Variants in RIMKLB observed in about 807,000 individuals in gnomAD.
RIMKLB encodes the protein ribosomal modification protein rimK like family member B.
RIMKLB carries 7 observed loss-of-function variants against 32.0 expected under a neutral mutation model. That is an observed-to-expected ratio of 0.22 (90% CI 0.12 to 0.41). The LOEUF is 0.41. Among genes scored for constraint, RIMKLB ranks in the 10% least tolerant of loss-of-function variants. The pLI is 1.00. For missense variants in RIMKLB, 289 were observed against 498.7 expected, an observed-to-expected ratio of 0.58 and a Z score of 4.00; for synonymous variants, 172 against 185.1, an observed-to-expected ratio of 0.93 and a Z score of 0.57.
At chr12:8,703,790 T>G (rs775896647) in intron 1 of RIMKLB, among the ~76,000 whole-genome samples, 106 of 152,310 alleles carry the variant, frequency 7.0e-4, no homozygotes, top group African/African-American at 2.5e-3. Context: ...CACTGCCAAA[T>G]GAAGACCATA....
chr12:8,693,295 T>C (rs1393215146), upstream of RIMKLB, among the ~76,000 whole-genome samples: 1 of 152,220 alleles, frequency 6.6e-6, no homozygotes, highest in African/African-American at 2.4e-5. Flanking sequence ...TTTGTTTTCA[T>C]TAAACCCTCA....
Position 8,775,413 on chromosome 12 carries a change from T to A in RIMKLB, c.*1629T>A, listed in dbSNP as rs1165406854. 7 of 985,436 alleles carry A rather than the reference T, an allele frequency of 7.1e-6. No individual in the cohort carries two copies. Among genetic ancestry groups the A allele is most frequent in the Non-Finnish European group, 7.2e-6 (6 of 829,904 alleles). 61.0% of individuals were successfully genotyped at this position (985,436 alleles called of 1,614,324 possible). ...TAATCCCATTGATGGGTTTGGATGG[T>A]ATGTTAAGAAATGGAGATGCTGCAG... On this transcript the variant is annotated 3_prime_UTR_variant, in exon 6 of 6. Transcript: ENST00000535829.
chr12:8,669,588 C>A, the RIMKLB span, among the ~76,000 whole-genome samples: 1 of 151,636 alleles, frequency 6.6e-6, no homozygotes, highest in Non-Finnish European at 1.5e-5. Context: ...AAAGTAAGTA[C>A]AGTATGATTA....
rs1249542622 is a variant in RIMKLB at position 8,698,286 on chromosome 12, C to A, written c.-68C>A. On this transcript the variant is annotated 5_prime_UTR_variant, in exon 1 of 6. Coordinates refer to ENST00000535829, the MANE Select transcript of RIMKLB (RefSeq NM_001297776.2). ...AGTCGGCCGAGAGCGAGGGAGGAGC[C>A]CCCCGACCCAGGTGAGCGGTACGAC... The A allele has an allele frequency of 3.7e-5, 13 of 352,238 alleles. No individual in the cohort carries two copies. The highest frequency in any genetic ancestry group is 2.9e-5 in the Non-Finnish European group (5 of 172,188). The allele number at this position is 352,238 out of a possible 1,614,324, so 21.8% of individuals were successfully genotyped here.
At chr12:8,773,224 A>G (rs1950542207) in intron 5 of RIMKLB, 97 bp from the exon 6 acceptor site, 4 of 821,014 alleles carry the variant, frequency 4.9e-6, no homozygotes, top group Admixed American at 4.6e-5. Flanking sequence ...TGTTTTCACT[A>G]TTAATTTAGA....
At chr12:8,696,354 C>CAA (rs1942889172), upstream of RIMKLB, among the ~76,000 whole-genome samples, 1 of 152,096 alleles carries the variant, frequency 6.6e-6, no homozygotes, top group Non-Finnish European at 1.5e-5. Flanking sequence ...TAGACCTTAT[C>CAA]CCCTTTGTTC....
intron 2 of RIMKLB, among the ~76,000 whole-genome samples, chr12:8,714,974 G>T (rs1324379337): frequency 6.6e-6 from 1 of 152,122 alleles, no homozygotes; most frequent in Non-Finnish European, 1.5e-5. Context: ...GCTATGCAAA[G>T]TACAATAAAA....
intron 2 of RIMKLB, among the ~76,000 whole-genome samples, chr12:8,732,636 A>G (rs1946642598): frequency 6.6e-6 from 1 of 152,174 alleles, no homozygotes; most frequent in African/African-American, 2.4e-5. Flanking sequence ...CTAAGAGTCA[A>G]AAAGTACTAA....
chr12:8,702,097 A>G (rs1235387099), intron 1 of RIMKLB, among the ~76,000 whole-genome samples: 1 of 152,086 alleles, frequency 6.6e-6, no homozygotes, highest in African/African-American at 2.4e-5. Context: ...CTCTCTTACA[A>G]TTTGATATAG....
intron 2 of RIMKLB, among the ~76,000 whole-genome samples, chr12:8,737,799 C>G (rs138453032): frequency 3.3e-5 from 5 of 152,304 alleles, no homozygotes; most frequent in African/African-American, 9.6e-5. Context: ...ACCATAAGCT[C>G]TGCCTCACAG....
rs761277025 is a variant in RIMKLB at position 8,698,219 on chromosome 12, C to T, written c.-135C>T. 9.7e-5 allele frequency: 36 copies of T among 371,420 alleles called. No homozygotes were observed. Among genetic ancestry groups the T allele is most frequent in the Non-Finnish European group, 6.0e-5 (11 of 182,622 alleles). The allele number at this position is 371,420 out of a possible 1,614,324, so 23.0% of individuals were successfully genotyped here. A position where few individuals can be genotyped will look rare whatever the true frequency, so the allele number is the denominator to read the frequency against. ...CTCCTCTCCTTCCCCCACTTCCAGC[C>T]GCCCGGCGGCCCGCGCTTCCTCGAA... On this transcript the variant is annotated 5_prime_UTR_variant, in exon 1 of 6. Coordinates refer to ENST00000535829, the MANE Select transcript of RIMKLB (RefSeq NM_001297776.2).
At chr12:8,745,097 T>G (rs1947953734) in intron 2 of RIMKLB, among the ~76,000 whole-genome samples, 1 of 151,834 alleles carries the variant, frequency 6.6e-6, no homozygotes, top group African/African-American at 2.4e-5. Flanking sequence ...ATGCAGTGTT[T>G]GGTTTTCTGT....
chr12:8,772,407 GATT>G (rs1163170694), intron 5 of RIMKLB, among the ~76,000 whole-genome samples: 1 of 152,140 alleles, frequency 6.6e-6, no homozygotes, highest in Non-Finnish European at 1.5e-5. Flanking sequence ...GTCATAGATG[GATT>G]ATTATTGTTT....
chr12:8,735,059 A>T (rs1286639175), intron 2 of RIMKLB, among the ~76,000 whole-genome samples: 2 of 152,166 alleles, frequency 1.3e-5, no homozygotes, highest in Non-Finnish European at 2.9e-5. Context: ...CTTAAATTTC[A>T]TCTAATAGGC....
chr12:8,720,324 A>G (rs1945309870), intron 2 of RIMKLB, among the ~76,000 whole-genome samples: 1 of 152,222 alleles, frequency 6.6e-6, no homozygotes, highest in African/African-American at 2.4e-5. Context: ...TAAAAGGTAC[A>G]AAGTTGGATT....
intron 1 of RIMKLB, among the ~76,000 whole-genome samples, chr12:8,707,244 A>G (rs990444982): frequency 6.6e-6 from 1 of 151,982 alleles, no homozygotes; most frequent in African/African-American, 2.4e-5. Flanking sequence ...CATGCCCCCC[A>G]CCAGTACAGG....
At chr12:8,727,760 A>G (rs1468089507) in intron 2 of RIMKLB, among the ~76,000 whole-genome samples, 1 of 152,090 alleles carries the variant, frequency 6.6e-6, no homozygotes, top group Non-Finnish European at 1.5e-5. Context: ...TTAGCCAGGC[A>G]TAGTGGCGGG....
At chr12:8,746,632 A>G (rs1418888201) in intron 2 of RIMKLB, among the ~76,000 whole-genome samples, 1 of 151,758 alleles carries the variant, frequency 6.6e-6, no homozygotes, top group Non-Finnish European at 1.5e-5. Flanking sequence ...AGATATCAAG[A>G]TGCTCGTAAC....
rs776117310 is a variant in RIMKLB, at chr12:8,773,731, C to T, written c.1108C>T (p.Leu370=). ...RELLTKLPGG[L]FNMNQLLANE... Reference sequence around the variant, plus strand: ...GCTGCTCACCAAGCTCCCAGGGGGCCTGTTCAACATGAACCAGCTGCTAGC... The same window carrying T: ...GCTGCTCACCAAGCTCCCAGGGGGCTTGTTCAACATGAACCAGCTGCTAGC... Residue 370 remains leucine (L), a synonymous_variant, in exon 6 of 6, where the codon CTG becomes TTG. Transcript: ENST00000535829. 3 of 1,614,252 alleles carry T rather than the reference C, an allele frequency of 1.9e-6. No individual in the cohort carries two copies. The highest frequency in any genetic ancestry group is 2.5e-6 in the Non-Finnish European group (3 of 1,180,044).
Sources: gnomAD v4.1 joint callset for allele counts (sites outside exome capture counted in the v4.1 genomes callset) on GRCh38, gnomAD v4.1.1 for gene constraint, MANE v1.5 for transcripts, NCBI Gene and HGNC (gene_info 2026-07-23, HGNC 2026-07-21) for gene names.